PLCB1: variants seen among roughly 807,000 people sequenced by gnomAD.
PLCB1 encodes phospholipase C beta 1, also known as 1-phosphatidylinositol 4,5-bisphosphate phosphodiesterase beta-1.
A neutral mutation model predicts 161.8 loss-of-function variants in PLCB1; 46 were observed. The observed-to-expected ratio is 0.28, with a 90% CI of 0.22 to 0.36. The LOEUF is 0.36. Among genes scored for constraint, PLCB1 ranks in the 10% least tolerant of loss-of-function variants. PLCB1 has a pLI of 1.00. For synonymous variants in PLCB1, 517 were observed against 503.7 expected (o/e 1.03, Z -0.35); for missense variants, 1,016 against 1,472.5 (o/e 0.69, Z 5.07).
intron 30 of PLCB1, 57 bp downstream of exon 30, chr20:8,789,632 C>T (rs1983656474): frequency 7.7e-7 from 1 of 1,294,624 alleles, no homozygotes. Context: ...ATTTGGTGAG[C>T]TCGCTGTGAG....
At chr20:8,391,907 A>G (rs902147366) in intron 3 of PLCB1, among the ~76,000 whole-genome samples, 29 of 150,352 alleles carry the variant, frequency 1.9e-4, no homozygotes, top group Non-Finnish European at 3.3e-4. Context: ...AATTTGATAC[A>G]TGTTCCAGCA....
rs777439082 is a variant in PLCB1, at chr20:8,790,178, G to A, written c.3340G>A (p.Glu1114Lys). The stretch of plus-strand genomic sequence containing the variant: ...GTTTCTTGTAACTTTCTTATAGCTA[G>A]AAGAAGCGCAAAGTAAACGGCAAGA... Reference protein sequence around the residue: ...QEVVQYIKRLEEAQSKRQEKL... With the variant: ...QEVVQYIKRLKEAQSKRQEKL... The change falls in exon 31 of 32, where the codon GAA (glutamate) becomes AAA (lysine). Residue 1114 changes from glutamate (E) to lysine (K), a missense_variant. Physicochemically the swap from Glu to Lys is moderately conservative, Grantham distance 56 (BLOSUM62 1). Transcript: ENST00000338037. The A allele has an allele frequency of 6.2e-7, 1 of 1,606,846 alleles. No homozygotes were observed. Among genetic ancestry groups the A allele is most frequent in the East Asian group, 2.2e-5 (1 of 44,628 alleles).
intron 3 of PLCB1, among the ~76,000 whole-genome samples, chr20:8,427,772 C>G (rs1979850780): frequency 6.6e-6 from 1 of 152,138 alleles, no homozygotes; most frequent in South Asian, 2.1e-4. Context: ...GTCAGCTTCT[C>G]TTGGAGCCCT....
chr20:8,211,373 C>T (rs58742954), intron 2 of PLCB1, among the ~76,000 whole-genome samples: 2,772 of 152,214 alleles, frequency 0.018, 105 homozygotes, highest in African/African-American at 0.063. Flanking sequence ...AAACTCTCCA[C>T]GCCCATGTTT....
chr20:8,189,808 T>C (rs1357767436), intron 2 of PLCB1, among the ~76,000 whole-genome samples: 2 of 152,078 alleles, frequency 1.3e-5, no homozygotes, highest in African/African-American at 4.8e-5. Flanking sequence ...AACTGACAAC[T>C]TTCCATGTAT....
intron 3 of PLCB1, among the ~76,000 whole-genome samples, chr20:8,388,339 G>A (rs1460390018): frequency 6.6e-6 from 1 of 152,140 alleles, no homozygotes; most frequent in Non-Finnish European, 1.5e-5. Flanking sequence ...TTATTTGGAT[G>A]TTATACAACA....
intron 2 of PLCB1, among the ~76,000 whole-genome samples, chr20:8,152,365 C>T (rs1484233808): frequency 6.6e-6 from 1 of 152,028 alleles, no homozygotes; most frequent in Admixed American, 6.6e-5. Flanking sequence ...AGCCCTGGAA[C>T]CAGTAAGAGT....
chr20:8,822,556 G>T (rs1227217611), intron 31 of PLCB1, among the ~76,000 whole-genome samples: 1 of 152,146 alleles, frequency 6.6e-6, no homozygotes, highest in Non-Finnish European at 1.5e-5. Context: ...GAGATTAAAG[G>T]ATGAGACTAT....
At chr20:8,542,144 C>T (rs552052978) in intron 3 of PLCB1, among the ~76,000 whole-genome samples, 19 of 152,174 alleles carry the variant, frequency 1.2e-4, no homozygotes, top group Non-Finnish European at 2.4e-4. Flanking sequence ...GCCAGGTAAA[C>T]ATCCCAGAAG....
At chr20:8,469,587 T>G (rs550964232) in intron 3 of PLCB1, among the ~76,000 whole-genome samples, 11 of 152,232 alleles carry the variant, frequency 7.2e-5, no homozygotes, top group Non-Finnish European at 1.5e-4. Context: ...AGTACATATG[T>G]GTACCCACAA....
At chr20:8,558,198 A>G (rs1030418623) in intron 3 of PLCB1, among the ~76,000 whole-genome samples, 1 of 151,986 alleles carries the variant, frequency 6.6e-6, no homozygotes, top group African/African-American at 2.4e-5. Context: ...CCAAAGGATA[A>G]ATTATTGAGA....
At chr20:8,747,974 A>G (rs1396654139) in intron 23 of PLCB1, among the ~76,000 whole-genome samples, 1 of 152,168 alleles carries the variant, frequency 6.6e-6, no homozygotes, top group African/African-American at 2.4e-5. Context: ...GAAACTTGAT[A>G]TTTCATTCAC....
chr20:8,265,143 C>G (rs1016100049), intron 2 of PLCB1, among the ~76,000 whole-genome samples: 9 of 152,140 alleles, frequency 5.9e-5, no homozygotes, highest in Admixed American at 5.9e-4. Context: ...GGACTTAATC[C>G]TACCTCTACC....
intron 3 of PLCB1, among the ~76,000 whole-genome samples, chr20:8,433,936 A>G (rs573341119): frequency 1.3e-5 from 2 of 149,898 alleles, no homozygotes; most frequent in South Asian, 4.3e-4. Context: ...TTTCTATTAA[A>G]AAAACATGAA....
chr20:8,564,400 A>C (rs984662123), intron 3 of PLCB1, among the ~76,000 whole-genome samples: 1 of 152,178 alleles, frequency 6.6e-6, no homozygotes, highest in Non-Finnish European at 1.5e-5. Flanking sequence ...AAACCTAGGC[A>C]ATACCATTCA....
intron 3 of PLCB1, among the ~76,000 whole-genome samples, chr20:8,570,058 A>G (rs571754843): frequency 6.6e-6 from 1 of 152,178 alleles, no homozygotes; most frequent in Non-Finnish European, 1.5e-5. Flanking sequence ...TGTTTGCTTC[A>G]TGCCAAAGCA....
intron 2 of PLCB1, among the ~76,000 whole-genome samples, chr20:8,187,932 CT>C (rs2051923898): frequency 1.3e-5 from 2 of 151,996 alleles, no homozygotes; most frequent in African/African-American, 2.4e-5. Context: ...CACTTTATTG[CT>C]GTATGAATCA....
At position 8,527,696 on chromosome 20, in the gene PLCB1, A is replaced by G. The variant is rs1984637362; in HGVS notation, c.247-100598A>G. 2.0e-5 allele frequency among the ~76,000 whole-genome samples: 3 copies of G among 152,246 alleles called. No individual in the cohort carries two copies. The South Asian group carries it at 6.2e-4, about 32-fold the overall frequency. On this transcript the variant is annotated intron_variant, in intron 3 of 31. Coordinates refer to ENST00000338037, the MANE Select transcript of PLCB1 (RefSeq NM_015192.4). ...AATGTTCCATTTCTTCATCTGGGCC[A>G]TAGTTGTTGTATTTTATATACGTAA...
chr20:8,678,133 G>A (rs1301610859), intron 9 of PLCB1, among the ~76,000 whole-genome samples: 1 of 152,078 alleles, frequency 6.6e-6, no homozygotes, highest in African/African-American at 2.4e-5. Flanking sequence ...AAAAAATTAA[G>A]CAAATGATAA....
Sources: allele counts gnomAD v4.1 joint callset (sites outside exome capture counted in the v4.1 genomes callset), GRCh38; gene constraint gnomAD v4.1.1; transcripts MANE v1.5; gene names NCBI Gene and HGNC (gene_info 2026-07-23, HGNC 2026-07-21).